Variants in SRC observed in about 807,000 individuals in gnomAD.
SRC encodes the protein SRC proto-oncogene, non-receptor tyrosine kinase, also known as proto-oncogene tyrosine-protein kinase Src.
A neutral mutation model predicts 62.9 loss-of-function variants in SRC; 13 were observed. The observed-to-expected ratio is 0.21, with a 90% CI of 0.13 to 0.33. The LOEUF is 0.33. Among genes scored for constraint, SRC ranks in the 10% least tolerant of loss-of-function variants. The pLI, the probability that SRC is intolerant of heterozygous loss-of-function variation, is 1.00. For missense variants in SRC, 457 were observed against 737.3 expected (o/e 0.62, Z 4.40); for synonymous variants, 302 against 317.5 (o/e 0.95, Z 0.52).
Position 37,396,788 on chromosome 20 carries a change from C to T in SRC, c.703+477C>T, listed in dbSNP as rs545858864. On this transcript the variant is annotated intron_variant, in intron 8 of 13. Coordinates refer to ENST00000373578, the MANE Select transcript of SRC (RefSeq NM_198291.3). The surrounding 1 kb of genome is among the most constrained non-coding windows in gnomAD (Gnocchi z 6.1). The stretch of plus-strand genomic sequence containing the variant: ...CTTGCGTGCTGGGTGAGGGCTCGGG[C>T]GTGGGCGCAGTGCTGTAGCCCACCC... 4.9e-5 allele frequency: 9 copies of T among 184,756 alleles called. No individual in the cohort carries two copies. Among genetic ancestry groups the T allele is most frequent in the East Asian group, 4.5e-4 (3 of 6,664 alleles). The allele number at this position is 184,756 out of a possible 1,614,324, so 11.4% of individuals were successfully genotyped here. A position where few individuals can be genotyped will look rare whatever the true frequency, so the allele number is the denominator to read the frequency against.
chr20:37,358,566 C>T (rs539189531), intron 1 of SRC, among the ~76,000 whole-genome samples: 1 of 152,356 alleles, frequency 6.6e-6, no homozygotes, highest in South Asian at 2.1e-4. Flanking sequence ...CACTTCCAGG[C>T]AGTACGCTTC....
chr20:37,401,544 C>A, intron 10 of SRC, 58 bp from the exon 11 acceptor site: 1 of 1,397,548 alleles, frequency 7.2e-7, no homozygotes, highest in Non-Finnish European at 1.0e-6. Context: ...TTTTGGGAAT[C>A]ACTGCATCCT....
At chr20:37,395,596 C>G (rs773211566) in intron 7 of SRC, among the ~76,000 whole-genome samples, 1 of 152,242 alleles carries the variant, frequency 6.6e-6, no homozygotes, top group Non-Finnish European at 1.5e-5. Context: ...CTCCTGCCCA[C>G]GACGGCCAAA....
chr20:37,355,663 T>C (rs1173242719), intron 1 of SRC, among the ~76,000 whole-genome samples: 4 of 152,084 alleles, frequency 2.6e-5, no homozygotes, highest in East Asian at 1.9e-4. Flanking sequence ...AGGGGCCATA[T>C]GAACTATGGC....
At chr20:37,365,545 T>C (rs1356380856) in intron 2 of SRC, among the ~76,000 whole-genome samples, 1 of 152,188 alleles carries the variant, frequency 6.6e-6, no homozygotes, top group Non-Finnish European at 1.5e-5. Context: ...GGTGTTGATA[T>C]TTTTAGCTTC....
Position 37,384,359 on chromosome 20 carries a change from C to T in SRC, c.206C>T (p.Ser69Phe). 1 of 1,463,160 alleles carries T rather than the reference C, an allele frequency of 6.8e-7. No homozygotes were observed. The highest frequency in any genetic ancestry group is 9.0e-7 in the Non-Finnish European group (1 of 1,112,670). 90.6% of individuals were successfully genotyped at this position (1,463,160 alleles called of 1,614,324 possible). A position where few individuals can be genotyped will look rare whatever the true frequency, so the allele number is the denominator to read the frequency against. The change falls in exon 4 of 14, where the codon TCC becomes TTC. Residue 69 changes from serine (S) to phenylalanine (F), a missense_variant. By Grantham distance (155) the Ser-to-Phe change is radical. Coordinates refer to ENST00000373578, the MANE Select transcript of SRC (RefSeq NM_198291.3). This position sits in a 1 kb window ranked among gnomAD's most constrained non-coding sequence, Gnocchi z 6.7. ...AEPKLFGGFN[S>F]SDTVTSPQRA... ...CCCAAGCTGTTCGGAGGCTTCAACT[C>T]CTCGGACACCGTCACCTCCCCGCAG...
intron 3 of SRC, among the ~76,000 whole-genome samples, chr20:37,383,498 G>A (rs1413576386): frequency 2.6e-5 from 4 of 152,110 alleles, no homozygotes; most frequent in Non-Finnish European, 4.4e-5. Context: ...GGACATAGGC[G>A]TGGCTCAGAT....
Position 37,384,142 on chromosome 20 carries a change from C to T in SRC, c.-4-8C>T. The T allele has an allele frequency of 1.9e-6, 3 of 1,600,012 alleles. No individual in the cohort carries two copies. Among genetic ancestry groups the T allele is most frequent in the Non-Finnish European group, 2.5e-6 (3 of 1,176,644 alleles). On this transcript the variant is annotated splice_polypyrimidine_tract_variant and splice_region_variant and intron_variant, in intron 3 of 13. Transcript: ENST00000373578. This position sits in a 1 kb window ranked among gnomAD's most constrained non-coding sequence, Gnocchi z 6.7. Reference sequence around the variant, plus strand: ...GCCTGTTCCAGTGTCTTCTCTCTCTCCTGCCAGGACCATGGGTAGCAACAA... The same window carrying T: ...GCCTGTTCCAGTGTCTTCTCTCTCTTCTGCCAGGACCATGGGTAGCAACAA...
rs1251445000 is a variant in SRC at position 37,398,533 on chromosome 20, C to G, written c.859+679C>G. ...ATCTGAGCCGCATCTCCACTCACTC[C>G]CACTGCCTCCACGTTCCGCCCTCCA... On this transcript the variant is annotated intron_variant, in intron 9 of 13. Transcript: ENST00000373578. This position sits in a 1 kb window ranked among gnomAD's most constrained non-coding sequence, Gnocchi z 5.2. 3.3e-5 allele frequency among the ~76,000 whole-genome samples: 5 copies of G among 152,230 alleles called. No homozygotes were observed. The highest frequency in any genetic ancestry group is 1.2e-4 in the African/African-American group (5 of 41,458).
intron 2 of SRC, among the ~76,000 whole-genome samples, chr20:37,373,265 TACGCAC>T (rs1344709816): frequency 7.4e-5 from 7 of 94,992 alleles, no homozygotes; most frequent in Non-Finnish European, 1.5e-4. Context: ...CACATGTACA[TACGCAC>T]ACACACACAC....
chr20:37,401,136 A>T (rs2070730785), intron 10 of SRC, among the ~76,000 whole-genome samples: 1 of 152,068 alleles, frequency 6.6e-6, no homozygotes, highest in South Asian at 2.1e-4. Flanking sequence ...AGCTGGGACT[A>T]CAGGTGCACA....
intron 1 of SRC, among the ~76,000 whole-genome samples, chr20:37,350,732 A>C (rs1325150913): frequency 1.3e-5 from 2 of 152,208 alleles, no homozygotes; most frequent in Non-Finnish European, 2.9e-5. Context: ...TTGGGGACTC[A>C]GATATTATCT....
In SRC at chr20:37,403,955, G is replaced by T. The variant is rs1022318480; in HGVS notation, c.*576G>T. ...GGCCTTGCCTGGCCTGATGATGGTG[G>T]GTGGGTGGGATGAGTACCCCCTCAA... On this transcript the variant is annotated 3_prime_UTR_variant, in exon 14 of 14. Coordinates refer to ENST00000373578, the MANE Select transcript of SRC (RefSeq NM_198291.3). The surrounding 1 kb of genome is among the most constrained non-coding windows in gnomAD (Gnocchi z 7.1). The T allele has an allele frequency of 4.2e-6, 1 of 239,110 alleles. No individual in the cohort carries two copies. Among genetic ancestry groups the T allele is most frequent in the Non-Finnish European group, 8.3e-6 (1 of 120,874 alleles). 14.8% of individuals were successfully genotyped at this position (239,110 alleles called of 1,614,324 possible). A position where few individuals can be genotyped will look rare whatever the true frequency, so the allele number is the denominator to read the frequency against.
intron 2 of SRC, among the ~76,000 whole-genome samples, chr20:37,379,670 G>A (rs2070331704): frequency 6.7e-6 from 1 of 149,224 alleles, no homozygotes; most frequent in Admixed American, 6.7e-5. Flanking sequence ...GGTGCAGTGA[G>A]CCGAGATCAC....
At position 37,397,701 on chromosome 20, in the gene SRC, C is replaced by T; in HGVS notation, c.706C>T (p.His236Tyr). ...LQQLVAYYSK[H>Y]ADGLCHRLTT... ...TGCTCCTCCTGCCTCCTCCTCAGAACACGCCGATGGCCTGTGCCACCGCCT... is the reference window on the plus strand; with the variant it reads ...TGCTCCTCCTGCCTCCTCCTCAGAATACGCCGATGGCCTGTGCCACCGCCT... Residue 236 changes from histidine to tyrosine, a missense_variant and splice_region_variant, in exon 9 of 14, where the codon CAC becomes TAC. His to Tyr is a moderately conservative substitution (Grantham distance 83). Around this residue, in one of 4 missense-constraint regions of SRC, gnomAD observed 141 missense variants for 198.4 expected, o/e 0.71. Transcript: ENST00000373578. This position sits in a 1 kb window ranked among gnomAD's most constrained non-coding sequence, Gnocchi z 4.1. The T allele has an allele frequency of 6.3e-7, 1 of 1,574,988 alleles. No homozygotes were observed. The highest frequency in any genetic ancestry group is 8.6e-7 in the Non-Finnish European group (1 of 1,158,576).
At chr20:37,401,175 G>A (rs1021027600) in intron 10 of SRC, among the ~76,000 whole-genome samples, 4 of 150,540 alleles carry the variant, frequency 2.7e-5, no homozygotes, top group Admixed American at 6.6e-5. Flanking sequence ...TTTTTTTTTC[G>A]TATTTTTTGT....
Position 37,396,149 on chromosome 20 carries a change from C to T in SRC, c.554-13C>T, listed in dbSNP as rs559832663. The T allele has an allele frequency of 7.6e-5, 123 of 1,609,812 alleles. No homozygotes were observed. The East Asian group carries it at 2.3e-3, about 31-fold the overall frequency. On this transcript the variant is annotated splice_polypyrimidine_tract_variant and intron_variant, in intron 7 of 13. Coordinates refer to ENST00000373578, the MANE Select transcript of SRC (RefSeq NM_198291.3). This position sits in a 1 kb window ranked among gnomAD's most constrained non-coding sequence, Gnocchi z 6.1. ...AGGGCATGGCGGTCACGGCTCCCCT[C>T]GGTGCCCCGCAGGTGCCTACTGCCT...
intron 2 of SRC, among the ~76,000 whole-genome samples, chr20:37,375,528 A>G (rs536519709): frequency 3.1e-4 from 47 of 151,792 alleles, no homozygotes; most frequent in Admixed American, 7.9e-4. Context: ...ATGAGCCAAC[A>G]CACCTGGCCA....
Position 37,394,168 on chromosome 20 carries a change from C to A in SRC, c.450-6C>A, listed in dbSNP as rs1226442491. The A allele has an allele frequency of 6.2e-7, 1 of 1,613,190 alleles. No individual in the cohort carries two copies. ...TCAGCACCATCCTCCGTCCTCCCACCCCCAGGTGGTATTTTGGCAAGATCA... is the reference window on the plus strand; with the variant it reads ...TCAGCACCATCCTCCGTCCTCCCACACCCAGGTGGTATTTTGGCAAGATCA... On this transcript the variant is annotated splice_polypyrimidine_tract_variant and splice_region_variant and intron_variant, in intron 6 of 13. Coordinates refer to ENST00000373578, the MANE Select transcript of SRC (RefSeq NM_198291.3).
Sources: gnomAD v4.1 joint callset for allele counts (sites outside exome capture counted in the v4.1 genomes callset) on GRCh38, gnomAD v4.1.1 for gene constraint, gnomAD v4.1.1 regional missense constraint, Gnocchi (gnomAD v3.1) non-coding constraint, MANE v1.5 for transcripts, NCBI Gene and HGNC (gene_info 2026-07-23, HGNC 2026-07-21) for gene names.